OPCML: variants seen among roughly 807,000 people sequenced by gnomAD.
OPCML encodes the protein opioid binding protein/cell adhesion molecule like.
A neutral mutation model predicts 37.8 loss-of-function variants in OPCML; 13 were observed. That is an observed-to-expected ratio of 0.34 (90% CI 0.22 to 0.55). The LOEUF (loss-of-function observed/expected upper bound fraction) is 0.55. Ranked by LOEUF, OPCML falls within the 20% of genes least tolerant of loss-of-function variation. OPCML has a pLI of 0.91. For synonymous variants in OPCML, 176 were observed against 168.8 expected (o/e 1.04, Z -0.33); for missense variants, 341 against 435.6 (o/e 0.78, Z 1.93).
chr11:133,447,042 G>A (rs1304377358), intron 1 of OPCML, among the ~76,000 whole-genome samples: 2 of 152,138 alleles, frequency 1.3e-5, no homozygotes, highest in Admixed American at 1.3e-4. Context: ...ATCTTAGATA[G>A]ATACCTAGGA....
At chr11:132,457,748 C>T (rs546947318) in intron 4 of OPCML, among the ~76,000 whole-genome samples, 1 of 152,316 alleles carries the variant, frequency 6.6e-6, no homozygotes, top group South Asian at 2.1e-4. Context: ...AGCACTCCTG[C>T]CCCAGCTGCC....
intron 4 of OPCML, among the ~76,000 whole-genome samples, chr11:132,441,464 G>A (rs965248300): frequency 2.0e-5 from 3 of 151,994 alleles, no homozygotes; most frequent in African/African-American, 7.2e-5. Flanking sequence ...CACCGCGCCC[G>A]GCCCACCAAG....
chr11:132,627,150 GAT>G (rs1251336874), intron 3 of OPCML, among the ~76,000 whole-genome samples: 1 of 151,948 alleles, frequency 6.6e-6, no homozygotes, highest in Non-Finnish European at 1.5e-5. Context: ...GGAGATATAA[GAT>G]ATATAATGGC....
In OPCML at chr11:133,209,601, A is replaced by C. The variant is rs1259759645; in HGVS notation, c.62-266591T>G. 2.0e-5 allele frequency among the ~76,000 whole-genome samples: 3 copies of C among 152,316 alleles called. No individual in the cohort carries two copies. The East Asian group carries it at 5.8e-4, about 29-fold the overall frequency. On this transcript the variant is annotated intron_variant, in intron 1 of 7. Coordinates refer to ENST00000524381, the MANE Select transcript of OPCML (RefSeq NM_001012393.5). ...TGGATATGTCTGCTTTCCCAACCAG[A>C]TCAGAATTCTGATAGAGGAACGTTG...
intron 1 of OPCML, among the ~76,000 whole-genome samples, chr11:133,349,471 G>C (rs1427641618): frequency 6.6e-6 from 1 of 152,158 alleles, no homozygotes; most frequent in African/African-American, 2.4e-5. Flanking sequence ...AAGTTTAGGT[G>C]AGCAGAAATC....
chr11:132,429,628 G>T, intron 7 of OPCML, among the ~76,000 whole-genome samples: 1 of 152,164 alleles, frequency 6.6e-6, no homozygotes, highest in South Asian at 2.1e-4. Flanking sequence ...CAGAATTCAG[G>T]AGAGAACTAA....
intron 2 of OPCML, among the ~76,000 whole-genome samples, chr11:132,746,874 C>T (rs1945652761): frequency 6.6e-6 from 1 of 152,080 alleles, no homozygotes; most frequent in Non-Finnish European, 1.5e-5. Flanking sequence ...GTGGTAAGAG[C>T]AAGGCTTGCG....
At chr11:133,113,182 T>C (rs576896712) in intron 1 of OPCML, among the ~76,000 whole-genome samples, 1 of 152,332 alleles carries the variant, frequency 6.6e-6, no homozygotes, top group African/African-American at 2.4e-5. Context: ...CTAAACTGTA[T>C]GGGTATAAAA....
rs563878673 is a variant in OPCML at position 132,794,536 on chromosome 11, C to T, written c.147-137217G>A. 7.2e-5 allele frequency among the ~76,000 whole-genome samples: 11 copies of T among 152,204 alleles called. No homozygotes were observed. The South Asian group carries it at 2.3e-3, about 32-fold the overall frequency. ...CTCACTGGAAGATAATGGGACCAGG[C>T]GAGCTTTCCTGCTTTCCTGCTTCCT... On this transcript the variant is annotated intron_variant, in intron 2 of 7. Coordinates refer to ENST00000524381, the MANE Select transcript of OPCML (RefSeq NM_001012393.5).
chr11:132,533,588 A>G (rs576658943), intron 3 of OPCML, among the ~76,000 whole-genome samples: 1 of 152,344 alleles, frequency 6.6e-6, no homozygotes, highest in East Asian at 1.9e-4. Context: ...AAAACTTCTT[A>G]GCAGGATTTA....
rs112099987 is a variant in OPCML at position 132,946,515 on chromosome 11, G to C, written c.62-3505C>G. Reference sequence around the variant, plus strand: ...ACACCTGAGTAACACTTTGAGCTAAGACATTAAGATGGCTACAGTGTCACT... The same window carrying C: ...ACACCTGAGTAACACTTTGAGCTAACACATTAAGATGGCTACAGTGTCACT... On this transcript the variant is annotated intron_variant, in intron 1 of 7. Coordinates refer to ENST00000524381, the MANE Select transcript of OPCML (RefSeq NM_001012393.5). Among the ~76,000 whole-genome samples the C allele has an allele frequency of 7.2e-3, 1,104 of 152,308 alleles. 18 individuals carry two copies. Among genetic ancestry groups the C allele is most frequent in the African/African-American group, 0.026 (1,062 of 41,572 alleles).
chr11:132,548,217 C>T (rs1197305348), intron 3 of OPCML, among the ~76,000 whole-genome samples: 1 of 151,976 alleles, frequency 6.6e-6, no homozygotes, highest in African/African-American at 2.4e-5. Context: ...GGGCAGGGTG[C>T]AGAGAGTAAA....
intron 3 of OPCML, among the ~76,000 whole-genome samples, chr11:132,563,797 A>G (rs2096415992): frequency 7.2e-6 from 1 of 138,748 alleles, no homozygotes; most frequent in Middle Eastern, 3.4e-3. Context: ...AAAACAACGA[A>G]AACAACAACA....
At chr11:132,474,452 C>G (rs2096148245) in intron 4 of OPCML, among the ~76,000 whole-genome samples, 1 of 152,138 alleles carries the variant, frequency 6.6e-6, no homozygotes, top group Admixed American at 6.5e-5. Context: ...GACCCTGTGG[C>G]CTGTCCTCTT....
intron 1 of OPCML, among the ~76,000 whole-genome samples, chr11:133,074,438 T>C (rs1196525632): frequency 6.6e-6 from 1 of 152,226 alleles, no homozygotes; most frequent in Non-Finnish European, 1.5e-5. Flanking sequence ...AAGCATACTC[T>C]GGTATTAGTT....
intron 2 of OPCML, among the ~76,000 whole-genome samples, chr11:132,884,484 G>A (rs190191021): frequency 6.6e-6 from 1 of 152,140 alleles, no homozygotes; most frequent in Non-Finnish European, 1.5e-5. Flanking sequence ...ATTGCTTGGG[G>A]TTTCTTTATT....
chr11:133,369,089 A>G (rs1301995875), intron 1 of OPCML, among the ~76,000 whole-genome samples: 1 of 152,238 alleles, frequency 6.6e-6, no homozygotes, highest in Admixed American at 6.5e-5. Flanking sequence ...TGGTGCAACC[A>G]AGTGTCGAGT....
intron 3 of OPCML, among the ~76,000 whole-genome samples, chr11:132,559,726 A>G (rs1353067855): frequency 4.6e-5 from 7 of 152,178 alleles, no homozygotes; most frequent in Non-Finnish European, 7.3e-5. Context: ...CAAGAAGATA[A>G]GACGAAAAGA....
At chr11:132,864,523 T>TA (rs1467682221) in intron 2 of OPCML, among the ~76,000 whole-genome samples, 2 of 152,212 alleles carry the variant, frequency 1.3e-5, no homozygotes, top group African/African-American at 4.8e-5. Flanking sequence ...TGCTTTGGAT[T>TA]ATGCAAAGAA....
Sources: allele counts gnomAD v4.1 joint callset (sites outside exome capture counted in the v4.1 genomes callset), GRCh38; gene constraint gnomAD v4.1.1; transcripts MANE v1.5; gene names NCBI Gene and HGNC (gene_info 2026-07-23, HGNC 2026-07-21).